Variants in ARHGEF28 observed in about 807,000 individuals in gnomAD.
ARHGEF28 encodes 190 kDa guanine nucleotide exchange factor.
In ARHGEF28, 152 loss-of-function variants were observed where a neutral mutation model predicts 206.6. The ratio of observed to expected loss-of-function variants is 0.74; its 90% CI spans 0.64 to 0.84. ARHGEF28 has a LOEUF of 0.84. Among genes scored for constraint, ARHGEF28 ranks in the 40% least tolerant of loss-of-function variants. The pLI is 0.00. For missense variants in ARHGEF28, 2,028 were observed against 2,073.2 expected, an observed-to-expected ratio of 0.98 and a Z score of 0.42; for synonymous variants, 763 against 776.4, an observed-to-expected ratio of 0.98 and a Z score of 0.29.
At chr5:73,925,338 AACCTTTTGT>A (rs1372024184) in intron 35 of ARHGEF28, among the ~76,000 whole-genome samples, 1 of 152,000 alleles carries the variant, frequency 6.6e-6, no homozygotes, top group Non-Finnish European at 1.5e-5. Context: ...CCACATCCCC[AACCTTTTGT>A]ACATGTGTTT....
intron 7 of ARHGEF28, among the ~76,000 whole-genome samples, chr5:73,787,049 T>G (rs776696815): frequency 7.9e-5 from 12 of 152,204 alleles, no homozygotes; most frequent in Non-Finnish European, 1.6e-4. Flanking sequence ...AATAGGGCTC[T>G]TATCCACACA....
intron 1 of ARHGEF28, among the ~76,000 whole-genome samples, chr5:73,632,057 T>A (rs2112117050): frequency 6.6e-6 from 1 of 152,288 alleles, no homozygotes; most frequent in African/African-American, 2.4e-5. Flanking sequence ...CTTTGTAGGG[T>A]GCTCAAAGTA....
intron 2 of ARHGEF28, among the ~76,000 whole-genome samples, chr5:73,721,719 T>G (rs1241053363): frequency 1.3e-5 from 2 of 152,168 alleles, no homozygotes; most frequent in African/African-American, 4.8e-5. Flanking sequence ...ATTACAGGTA[T>G]GAGCCACCAT....
At chr5:73,928,371 G>A (rs1309087013) in intron 35 of ARHGEF28, among the ~76,000 whole-genome samples, 1 of 152,104 alleles carries the variant, frequency 6.6e-6, no homozygotes, top group African/African-American at 2.4e-5. Flanking sequence ...AGCTGAGATC[G>A]CGCCACTGCA....
At chr5:73,784,723 TA>T (rs1210905432) in intron 7 of ARHGEF28, among the ~76,000 whole-genome samples, 1 of 152,206 alleles carries the variant, frequency 6.6e-6, no homozygotes, top group Non-Finnish European at 1.5e-5. Flanking sequence ...GAACCTTATA[TA>T]TACTATGTTT....
intron 35 of ARHGEF28, among the ~76,000 whole-genome samples, chr5:73,939,397 A>G (rs538603638): frequency 6.6e-6 from 1 of 152,320 alleles, no homozygotes; most frequent in East Asian, 1.9e-4. Context: ...CAGTAGAATC[A>G]AGCTTTGTGC....
At chr5:73,763,432 C>T (rs1752719650) in intron 4 of ARHGEF28, among the ~76,000 whole-genome samples, 1 of 152,198 alleles carries the variant, frequency 6.6e-6, no homozygotes, top group Admixed American at 6.5e-5. Context: ...AGGCGAATGG[C>T]CAGTTTCCTG....
intron 1 of ARHGEF28, among the ~76,000 whole-genome samples, chr5:73,681,626 C>A (rs1360599369): frequency 6.6e-6 from 1 of 151,178 alleles, no homozygotes. Context: ...ACAATCCTGG[C>A]CAACATAGTG....
rs571004768 is a variant in ARHGEF28, at chr5:73,795,292, G to A, written c.964-39G>A. 9.5e-6 allele frequency: 15 copies of A among 1,585,572 alleles called. No homozygotes were observed. The African/African-American group carries it at 1.1e-4, about 11-fold the overall frequency. Reference sequence around the variant, plus strand: ...AAATAAACATTAGTGTAGCATATATGTAATTTTTTAAAAATCCACCTGACT... The same window carrying A: ...AAATAAACATTAGTGTAGCATATATATAATTTTTTAAAAATCCACCTGACT... On this transcript the variant is annotated intron_variant, in intron 8 of 35. Transcript: ENST00000513042.
intron 4 of ARHGEF28, among the ~76,000 whole-genome samples, chr5:73,758,308 A>G (rs1752420788): frequency 6.6e-6 from 1 of 152,248 alleles, no homozygotes; most frequent in Non-Finnish European, 1.5e-5. Context: ...GGTCATATAA[A>G]GAATATTTCT....
chr5:73,750,127 T>G, intron 3 of ARHGEF28, 143 bp downstream of exon 3: 1 of 891,696 alleles, frequency 1.1e-6, no homozygotes, highest in Non-Finnish European at 1.7e-6. Flanking sequence ...TGTGTGTATG[T>G]GTATATTAGG....
chr5:73,838,042 A>G (rs148173289), intron 10 of ARHGEF28, among the ~76,000 whole-genome samples: 1 of 152,278 alleles, frequency 6.6e-6, no homozygotes, highest in Non-Finnish European at 1.5e-5. Flanking sequence ...CCCGGCCAAG[A>G]TATAATTTTT....
chr5:73,747,270 T>C (rs1430847776), intron 2 of ARHGEF28, among the ~76,000 whole-genome samples: 1 of 152,174 alleles, frequency 6.6e-6, no homozygotes, highest in Non-Finnish European at 1.5e-5. Flanking sequence ...AAGAGATACT[T>C]TGGAATTCTG....
intron 35 of ARHGEF28, among the ~76,000 whole-genome samples, chr5:73,916,627 C>T (rs1763228474): frequency 6.6e-6 from 1 of 152,150 alleles, no homozygotes. Context: ...ACCATAATGA[C>T]CTCAATTAAC....
In ARHGEF28 at chr5:73,893,099, A is replaced by T. The variant is rs1400141056; in HGVS notation, c.3567-98A>T. Reference sequence around the variant, plus strand: ...CCTTTATGCTGAAATTTTCTCCTTTATGAATAAATCTATTGCCAAGTTCCC... The same window carrying T: ...CCTTTATGCTGAAATTTTCTCCTTTTTGAATAAATCTATTGCCAAGTTCCC... On this transcript the variant is annotated intron_variant, in intron 27 of 35. Transcript: ENST00000513042. 4 of 1,016,422 alleles carry T rather than the reference A, an allele frequency of 3.9e-6. No homozygotes were observed. The African/African-American group carries it at 6.6e-5, about 17-fold the overall frequency. 63.0% of individuals were successfully genotyped at this position (1,016,422 alleles called of 1,614,324 possible).
chr5:73,772,271 T>A (rs1311435673), intron 4 of ARHGEF28, among the ~76,000 whole-genome samples: 1 of 152,206 alleles, frequency 6.6e-6, no homozygotes, highest in African/African-American at 2.4e-5. Context: ...CTGAGTTTAT[T>A]GCCTACTATG....
intron 1 of ARHGEF28, among the ~76,000 whole-genome samples, chr5:73,643,411 T>C (rs952552830): frequency 2.0e-5 from 3 of 152,248 alleles, no homozygotes; most frequent in Non-Finnish European, 4.4e-5. Context: ...ACATAACTAG[T>C]GCAATTTAGT....
At chr5:73,793,827 A>G (rs1754630778) in intron 7 of ARHGEF28, among the ~76,000 whole-genome samples, 1 of 149,858 alleles carries the variant, frequency 6.7e-6, no homozygotes. Flanking sequence ...TCATCCCAGT[A>G]CATCCTGACC....
At chr5:73,760,367 T>C (rs138487056) in intron 4 of ARHGEF28, among the ~76,000 whole-genome samples, 1 of 152,252 alleles carries the variant, frequency 6.6e-6, no homozygotes, top group Non-Finnish European at 1.5e-5. Context: ...AGGGGTTTTG[T>C]ATGTTTCTCT....
Sources: gnomAD v4.1 joint callset for allele counts (sites outside exome capture counted in the v4.1 genomes callset) on GRCh38, gnomAD v4.1.1 for gene constraint, MANE v1.5 for transcripts, NCBI Gene and HGNC (gene_info 2026-07-23, HGNC 2026-07-21) for gene names.